The following AFAP1 variants were observed in gnomAD, a reference collection of about 807,000 sequenced individuals.
AFAP1 encodes actin filament associated protein 1.
In AFAP1, 75 loss-of-function variants were observed where a neutral mutation model predicts 93.9. The observed-to-expected ratio is 0.80, with a 90% CI of 0.66 to 0.97. The LOEUF is 0.97. Ranked by LOEUF, AFAP1 falls within the 50% of genes least tolerant of loss-of-function variation. AFAP1 has a pLI of 0.00. For missense variants in AFAP1, 1,201 were observed against 1,050.8 expected (o/e 1.14, Z -1.98); for synonymous variants, 517 against 430.7 (o/e 1.20, Z -2.48).
At chr4:7,858,705 T>C (rs1356445709) in intron 3 of AFAP1, among the ~76,000 whole-genome samples, 1 of 152,114 alleles carries the variant, frequency 6.6e-6, no homozygotes, top group Non-Finnish European at 1.5e-5. Flanking sequence ...GCCACTCACA[T>C]CCAAGGCTGG....
intron 17 of AFAP1, among the ~76,000 whole-genome samples, chr4:7,766,834 G>A (rs1448537245): frequency 2.0e-5 from 3 of 152,140 alleles, no homozygotes; most frequent in Non-Finnish European, 2.9e-5. Flanking sequence ...TATGAGCCAG[G>A]AAGCCCTGGG....
chr4:7,885,496 T>TA (rs1718094532), intron 1 of AFAP1, among the ~76,000 whole-genome samples: 1 of 152,212 alleles, frequency 6.6e-6, no homozygotes, highest in Admixed American at 6.5e-5. Flanking sequence ...CGCTATGCTG[T>TA]AATAACAGGC....
intron 1 of AFAP1, among the ~76,000 whole-genome samples, chr4:7,904,148 G>A (rs1719267471): frequency 6.6e-6 from 1 of 152,016 alleles, no homozygotes; most frequent in East Asian, 1.9e-4. Flanking sequence ...TGCAAATCAA[G>A]ACAAGCTGTC....
At chr4:7,782,322 C>A (rs750716462) in intron 12 of AFAP1, among the ~76,000 whole-genome samples, 22 of 152,228 alleles carry the variant, frequency 1.4e-4, no homozygotes, top group Non-Finnish European at 3.1e-4. Context: ...CCTCCAAGCC[C>A]CTGTGCAGGA....
chr4:7,806,431 T>C lies in AFAP1; in HGVS notation c.1054+3183A>G, dbSNP rs147099872. Among the ~76,000 whole-genome samples, 22 of 152,182 alleles carry C rather than the reference T, an allele frequency of 1.4e-4. No individual in the cohort carries two copies. The East Asian group carries it at 4.3e-3, about 29-fold the overall frequency. On this transcript the variant is annotated intron_variant, in intron 9 of 17. Coordinates refer to ENST00000420658, the MANE Select transcript of AFAP1 (RefSeq NM_001134647.2). Reference sequence around the variant, plus strand: ...GGGAACGGCTGACCCAGCTGCACTGTGTGGAAGGGCTGGCATTTGAACTCC... The same window carrying C: ...GGGAACGGCTGACCCAGCTGCACTGCGTGGAAGGGCTGGCATTTGAACTCC...
chr4:7,851,463 G>A (rs1714432610), intron 4 of AFAP1, among the ~76,000 whole-genome samples: 1 of 152,176 alleles, frequency 6.6e-6, no homozygotes, highest in Non-Finnish European at 1.5e-5. Context: ...TTAAAAAACA[G>A]GTAACAAACA....
At chr4:7,818,625 G>A (rs1720693879) in intron 7 of AFAP1, among the ~76,000 whole-genome samples, 1 of 152,230 alleles carries the variant, frequency 6.6e-6, no homozygotes, top group African/African-American at 2.4e-5. Flanking sequence ...CAGATGACAG[G>A]CCATCCCCGC....
chr4:7,819,068 G>A lies in AFAP1; in HGVS notation c.822+8C>T, dbSNP rs35726835. 0.19 allele frequency: 300,376 copies of A among 1,599,172 alleles called. 30,394 individuals are homozygous for A. Among genetic ancestry groups the A allele is most frequent in the Non-Finnish European group, 0.21 (246,380 of 1,172,738 alleles). ...ACCGTCCCCACCCAGCAAGAGCAGC[G>A]CCCTTACCTTCTCCAGTTCTGCCTT... is the stretch of plus-strand genomic sequence containing the variant. On this transcript the variant is annotated splice_region_variant and intron_variant, in intron 7 of 17. Coordinates refer to ENST00000420658, the MANE Select transcript of AFAP1 (RefSeq NM_001134647.2).
chr4:7,847,425 G>A (rs547180802), intron 4 of AFAP1, among the ~76,000 whole-genome samples: 18 of 145,282 alleles, frequency 1.2e-4, no homozygotes, highest in East Asian at 1.0e-3. Flanking sequence ...AGAACTCTCC[G>A]GAAAGTATGC....
intron 15 of AFAP1, 29 bp downstream of exon 15, chr4:7,774,710 C>T (rs768688430): frequency 5.0e-6 from 8 of 1,610,320 alleles, no homozygotes; most frequent in Non-Finnish European, 6.8e-6. Flanking sequence ...CAAACATGCA[C>T]CCTGGGCAGT....
intron 2 of AFAP1, among the ~76,000 whole-genome samples, chr4:7,871,564 T>C (rs1717049303): frequency 6.6e-6 from 1 of 152,122 alleles, no homozygotes; most frequent in Non-Finnish European, 1.5e-5. Context: ...GGCATATGGG[T>C]TCCTCCATGT....
intron 12 of AFAP1, among the ~76,000 whole-genome samples, chr4:7,783,148 T>C (rs981306535): frequency 6.6e-6 from 1 of 150,626 alleles, no homozygotes; most frequent in Non-Finnish European, 1.5e-5. Context: ...AATATGAACT[T>C]TTTTTTTTTG....
chr4:7,835,034 G>C (rs1487528441), intron 6 of AFAP1, among the ~76,000 whole-genome samples: 2 of 119,230 alleles, frequency 1.7e-5, no homozygotes, highest in African/African-American at 6.5e-5. Flanking sequence ...TGAATGGACT[G>C]TGGGCTGCCT....
chr4:7,935,639 C>G (rs867714014), intron 1 of AFAP1, among the ~76,000 whole-genome samples: 1 of 152,158 alleles, frequency 6.6e-6, no homozygotes, highest in African/African-American at 2.4e-5. Context: ...GACTCATAAG[C>G]TGACAAAAGA....
At chr4:7,805,035 TAAGA>T (rs1719382968) in intron 9 of AFAP1, among the ~76,000 whole-genome samples, 2 of 152,198 alleles carry the variant, frequency 1.3e-5, no homozygotes, top group Admixed American at 6.5e-5. Context: ...GCTCCTGGAC[TAAGA>T]ATGCCTTCCT....
chr4:7,819,490 G>A (rs142309062), intron 6 of AFAP1, among the ~76,000 whole-genome samples: 2 of 152,120 alleles, frequency 1.3e-5, no homozygotes, highest in Non-Finnish European at 2.9e-5. Context: ...ACAGCAACAC[G>A]AGACCGCAGT....
chr4:7,806,150 A>T (rs1015504595), intron 9 of AFAP1, among the ~76,000 whole-genome samples: 7 of 152,214 alleles, frequency 4.6e-5, no homozygotes, highest in African/African-American at 1.4e-4. Context: ...AGATCATATT[A>T]TCTACGCGGC....
chr4:7,808,128 G>C (rs762416730), intron 9 of AFAP1, among the ~76,000 whole-genome samples: 4 of 152,214 alleles, frequency 2.6e-5, no homozygotes, highest in Non-Finnish European at 5.9e-5. Context: ...GGCTCACACT[G>C]CAGGGAGCTG....
intron 1 of AFAP1, among the ~76,000 whole-genome samples, chr4:7,903,645 C>T (rs1719239937): frequency 6.6e-6 from 1 of 152,144 alleles, no homozygotes; most frequent in Non-Finnish European, 1.5e-5. Flanking sequence ...TGCCACTGCA[C>T]TCCAGCCTGG....
Sources: allele counts gnomAD v4.1 joint callset (sites outside exome capture counted in the v4.1 genomes callset), GRCh38; gene constraint gnomAD v4.1.1; transcripts MANE v1.5; gene names NCBI Gene and HGNC (gene_info 2026-07-23, HGNC 2026-07-21).